CEP295: variants seen among roughly 807,000 people sequenced by gnomAD.
The protein encoded by CEP295 is centrosomal protein of 295 kDa.
In CEP295, 190 loss-of-function variants were observed where a neutral mutation model predicts 291.6. The observed-to-expected ratio is 0.65, with a 90% CI of 0.58 to 0.73. The LOEUF (loss-of-function observed/expected upper bound fraction) is 0.73, where lower values mean the gene tolerates loss of function less well. CEP295 is among the 30% of genes least tolerant of loss of function. The pLI, the probability that CEP295 is intolerant of heterozygous loss-of-function variation, is 0.00. For missense variants in CEP295, 2,863 were observed against 2,949.4 expected (o/e 0.97, Z 0.68); for synonymous variants, 993 against 1,038.8 (o/e 0.96, Z 0.85).
intron 5 of CEP295, among the ~76,000 whole-genome samples, chr11:93,670,923 C>G (rs1324128303): frequency 6.6e-6 from 1 of 152,168 alleles, no homozygotes; most frequent in Non-Finnish European, 1.5e-5. Flanking sequence ...TGCTCTGTCA[C>G]CCAGGCTGGA....
Position 93,698,024 on chromosome 11 carries a change from A to G in CEP295, c.3112A>G (p.Ile1038Val), listed in dbSNP as rs1044456002. The change falls in exon 15 of 30, where the codon ATA becomes GTA. Residue 1038 changes from isoleucine to valine, a missense_variant. Around this residue, in one of 3 missense-constraint regions of CEP295, gnomAD observed 2,295 missense variants for 2,335.7 expected, o/e 0.98. Coordinates refer to ENST00000325212, the MANE Select transcript of CEP295 (RefSeq NM_033395.2). The part of the protein sequence containing the change: ...GLVSCQSDIP[I>V]SQDGSLSFLQ... ...TGTTTCATGCCAATCTGACATCCCC[A>G]TATCTCAGGATGGGTCTTTGAGTTT... 14 of 1,551,582 alleles carry G rather than the reference A, an allele frequency of 9.0e-6. No individual in the cohort carries two copies. Among genetic ancestry groups the G allele is most frequent in the African/African-American group, 1.4e-5 (1 of 73,022 alleles).
chr11:93,693,447 A>G (rs1951689542), intron 12 of CEP295, among the ~76,000 whole-genome samples: 1 of 152,150 alleles, frequency 6.6e-6, no homozygotes, highest in African/African-American at 2.4e-5. Context: ...GTGAGCCAGT[A>G]TTTCTTCTCA....
intron 18 of CEP295, among the ~76,000 whole-genome samples, chr11:93,717,844 C>T (rs1031161323): frequency 1.3e-5 from 2 of 152,160 alleles, no homozygotes; most frequent in African/African-American, 4.8e-5. Context: ...AGTGCCAGGT[C>T]AGCTCCTGGA....
At chr11:93,693,641 A>T (rs900212822) in intron 12 of CEP295, among the ~76,000 whole-genome samples, 25 of 152,204 alleles carry the variant, frequency 1.6e-4, no homozygotes, top group Non-Finnish European at 7.3e-5. Flanking sequence ...CCACAATTCC[A>T]GCTACTCAGA....
rs1486160036 is a variant in CEP295 at position 93,667,745 on chromosome 11, G to A, written c.247G>A (p.Glu83Lys). Reference sequence around the variant, plus strand: ...ACAAACTCAGAAAATACAGAACTTGGAAAAACTGTATTTGGCAAGTTTAAG... The same window carrying A: ...ACAAACTCAGAAAATACAGAACTTGAAAAAACTGTATTTGGCAAGTTTAAG... Reference protein sequence around the residue: ...ESQTQKIQNLEKLYLASLRSM... With the variant: ...ESQTQKIQNLKKLYLASLRSM... The change falls in exon 3 of 30, where the codon GAA becomes AAA. Residue 83 changes from glutamate to lysine, a missense_variant. Coordinates refer to ENST00000325212, the MANE Select transcript of CEP295 (RefSeq NM_033395.2). 1.3e-6 allele frequency: 2 copies of A among 1,551,426 alleles called. No homozygotes were observed. The highest frequency in any genetic ancestry group is 2.0e-5 in the Admixed American group (1 of 50,984).
At chr11:93,701,489 A>T (rs1298695729) in intron 15 of CEP295, among the ~76,000 whole-genome samples, 1 of 152,252 alleles carries the variant, frequency 6.6e-6, no homozygotes, top group Non-Finnish European at 1.5e-5. Flanking sequence ...CAAGAGATTT[A>T]CTGGTCATTT....
intron 22 of CEP295, among the ~76,000 whole-genome samples, chr11:93,725,211 C>T (rs1270874110): frequency 6.6e-6 from 1 of 151,410 alleles, no homozygotes; most frequent in African/African-American, 2.4e-5. Flanking sequence ...CGTGCCACTG[C>T]ACTCCAGCCT....
At chr11:93,712,465 G>T (rs978493154) in intron 18 of CEP295, among the ~76,000 whole-genome samples, 1 of 151,782 alleles carries the variant, frequency 6.6e-6, no homozygotes, top group Admixed American at 6.6e-5. Flanking sequence ...TGTTGGCCAG[G>T]CTGGTCTCGA....
intron 18 of CEP295, among the ~76,000 whole-genome samples, chr11:93,714,961 C>G (rs996135613): frequency 1.3e-5 from 2 of 152,168 alleles, no homozygotes; most frequent in Non-Finnish European, 2.9e-5. Flanking sequence ...CAGCACAGTA[C>G]TGGGTCTTGC....
rs572970632 is a variant in CEP295, at chr11:93,697,581, C to T, written c.2669C>T (p.Pro890Leu). The change falls in exon 15 of 30, where the codon CCC becomes CTC. Residue 890 changes from proline (P) to leucine (L), a missense_variant. This residue lies in a region of CEP295 where 2,295 missense variants were observed against 2,335.7 expected (regional missense o/e 0.98). Coordinates refer to ENST00000325212, the MANE Select transcript of CEP295 (RefSeq NM_033395.2). ...EQQTGLSVFL[P>L]LVTPDSSALL... ...CAAACGGGCCTCTCGGTATTCCTTC[C>T]CTTGGTAACTCCAGATTCATCTGCT... is the stretch of plus-strand genomic sequence containing the variant. The T allele has an allele frequency of 2.3e-5, 36 of 1,551,572 alleles. 1 individual carries two copies. The Admixed American group carries it at 2.4e-4, about 10-fold the overall frequency.
chr11:93,703,108 C>T (rs546941799), intron 17 of CEP295, among the ~76,000 whole-genome samples, 189 bp downstream of exon 17: 1 of 152,106 alleles, frequency 6.6e-6, no homozygotes, highest in East Asian at 1.9e-4. Flanking sequence ...GGATTACAGG[C>T]GCCCGCCACC....
chr11:93,706,982 A>AATGGTG (rs1466490127), intron 18 of CEP295, 85 bp downstream of exon 18: 9 of 1,193,422 alleles, frequency 7.5e-6, no homozygotes, highest in Middle Eastern at 2.0e-4. Context: ...GTAATGGTGA[A>AATGGTG]AAATGGTAAA....
chr11:93,678,245 CAG>C (rs1471217342), intron 6 of CEP295, among the ~76,000 whole-genome samples: 3 of 152,048 alleles, frequency 2.0e-5, no homozygotes, highest in Non-Finnish European at 2.9e-5. Flanking sequence ...ATATTGTTCT[CAG>C]AGGTTATATT....
At chr11:93,685,509 G>A (rs1951187448) in intron 9 of CEP295, among the ~76,000 whole-genome samples, 1 of 152,142 alleles carries the variant, frequency 6.6e-6, no homozygotes, top group South Asian at 2.1e-4. Flanking sequence ...TGTCCAAACG[G>A]AAGCCTAAGG....
At chr11:93,678,139 CA>C (rs1270348155) in intron 6 of CEP295, among the ~76,000 whole-genome samples, 1 of 151,604 alleles carries the variant, frequency 6.6e-6, no homozygotes, top group East Asian at 1.9e-4. Context: ...TTTGGTTTAC[CA>C]AAATTGACAT....
At position 93,727,413 on chromosome 11, in the gene CEP295, A is replaced by C; in HGVS notation, c.6937A>C (p.Asn2313His). The change falls in exon 24 of 30, where the codon AAT (asparagine) becomes CAT (histidine). Residue 2313 changes from asparagine to histidine, a missense_variant. By Grantham distance (68) the Asn-to-His change is moderately conservative. Transcript: ENST00000325212. ...TGAAACCTGTAGGGTTTTAGACATAAATCCACAGGTAGAGGAAACTGACTC... is the reference window on the plus strand; with the variant it reads ...TGAAACCTGTAGGGTTTTAGACATACATCCACAGGTAGAGGAAACTGACTC... ...KNETCRVLDINPQVEETDSRL... is the reference protein window; with the variant it reads ...KNETCRVLDIHPQVEETDSRL... 6.4e-7 allele frequency: 1 copy of C among 1,551,772 alleles called. No homozygotes were observed. Among genetic ancestry groups the C allele is most frequent in the Non-Finnish European group, 8.7e-7 (1 of 1,146,956 alleles).
At chr11:93,692,169 G>T in intron 12 of CEP295, 139 bp downstream of exon 12, 1 of 588,064 alleles carries the variant, frequency 1.7e-6, no homozygotes, top group Non-Finnish European at 3.0e-6. Flanking sequence ...CAAACATTCA[G>T]CTGATAAAAT....
intron 26 of CEP295, 21 bp from the exon 27 acceptor site, chr11:93,729,592 TA>T (rs1402085574): frequency 6.5e-7 from 1 of 1,550,110 alleles, no homozygotes; most frequent in South Asian, 1.2e-5. Context: ...ATTTCTGTCA[TA>T]AATTTCTTTT....
intron 23 of CEP295, among the ~76,000 whole-genome samples, chr11:93,726,094 ATTAT>A (rs774021462): frequency 1.3e-5 from 2 of 151,908 alleles, no homozygotes; most frequent in Admixed American, 6.6e-5. Context: ...CAGTTTAAGT[ATTAT>A]TTTTTTGTTT....
Sources: gnomAD v4.1 joint callset for allele counts (sites outside exome capture counted in the v4.1 genomes callset) on GRCh38, gnomAD v4.1.1 for gene constraint, gnomAD v4.1.1 regional missense constraint, MANE v1.5 for transcripts, NCBI Gene and HGNC (gene_info 2026-07-23, HGNC 2026-07-21) for gene names.